SNTB1: variants seen among roughly 807,000 people sequenced by gnomAD.
SNTB1 encodes the protein beta-1-syntrophin.
In SNTB1, 36 loss-of-function variants were observed where a neutral mutation model predicts 48.9. That is an observed-to-expected ratio of 0.74 (90% CI 0.56 to 0.97). The LOEUF is 0.97. SNTB1 is among the 50% of genes least tolerant of loss of function. The pLI, the probability that SNTB1 is intolerant of heterozygous loss-of-function variation, is 0.00. For missense variants in SNTB1, 786 were observed against 703.4 expected (o/e 1.12, Z -1.33); for synonymous variants, 299 against 294.6 (o/e 1.01, Z -0.15).
intron 1 of SNTB1, among the ~76,000 whole-genome samples, chr8:120,767,026 T>C (rs556297443): frequency 6.6e-5 from 10 of 152,340 alleles, no homozygotes; most frequent in African/African-American, 2.4e-4. Flanking sequence ...AGTTTAACTA[T>C]GTTTTACAGA....
chr8:120,552,349 C>T (rs866990225), intron 4 of SNTB1, among the ~76,000 whole-genome samples: 24 of 152,050 alleles, frequency 1.6e-4, no homozygotes, highest in Non-Finnish European at 1.5e-5. Context: ...CCAGTGTGTT[C>T]GAGAAGTAAT....
chr8:120,711,298 C>T (rs183550667), intron 1 of SNTB1, among the ~76,000 whole-genome samples: 110 of 150,992 alleles, frequency 7.3e-4, no homozygotes, highest in Non-Finnish European at 2.6e-4. Context: ...GTAAATAACA[C>T]CTTTAAATAT....
At chr8:120,565,043 T>C (rs916159747) in intron 4 of SNTB1, among the ~76,000 whole-genome samples, 4 of 152,210 alleles carry the variant, frequency 2.6e-5, no homozygotes, top group African/African-American at 9.6e-5. Flanking sequence ...GTCTTCCATT[T>C]ATTAAGGAGA....
At chr8:120,592,698 G>A (rs1304723580) in intron 3 of SNTB1, among the ~76,000 whole-genome samples, 2 of 152,106 alleles carry the variant, frequency 1.3e-5, no homozygotes, top group African/African-American at 4.8e-5. Flanking sequence ...CATTACATAA[G>A]CCGTCAAATA....
chr8:120,781,002 T>C (rs1440234567), intron 1 of SNTB1, among the ~76,000 whole-genome samples: 2 of 152,256 alleles, frequency 1.3e-5, no homozygotes, highest in Admixed American at 6.5e-5. Flanking sequence ...CTTCTCATCC[T>C]GTGCTATGCC....
chr8:120,799,164 T>G (rs1376137996), intron 1 of SNTB1, among the ~76,000 whole-genome samples: 2 of 152,048 alleles, frequency 1.3e-5, no homozygotes, highest in African/African-American at 2.4e-5. Flanking sequence ...TATTGGTTCA[T>G]TCCCTTCACT....
intron 1 of SNTB1, among the ~76,000 whole-genome samples, chr8:120,805,093 C>T (rs1442645785): frequency 1.3e-5 from 2 of 152,056 alleles, no homozygotes; most frequent in African/African-American, 4.8e-5. Context: ...ATATATAAAT[C>T]GATGAGAAAC....
At position 120,604,288 on chromosome 8, in the gene SNTB1, C is replaced by G. The variant is rs147200246; in HGVS notation, c.996+28156G>C. Among the ~76,000 whole-genome samples the G allele has an allele frequency of 2.0e-5, 3 of 152,260 alleles. No homozygotes were observed. In the East Asian group the frequency reaches 5.8e-4, roughly 29 times the overall value. On this transcript the variant is annotated intron_variant, in intron 3 of 6. Coordinates refer to ENST00000517992, the MANE Select transcript of SNTB1 (RefSeq NM_021021.4). Reference sequence around the variant, plus strand: ...TGCCTATGAATGTCCTCTGCTTTCTCATGGCTCATGGTGGTGCTCTGAATA... The same window carrying G: ...TGCCTATGAATGTCCTCTGCTTTCTGATGGCTCATGGTGGTGCTCTGAATA...
At chr8:120,754,925 G>A (rs924958077) in intron 1 of SNTB1, among the ~76,000 whole-genome samples, 1 of 152,170 alleles carries the variant, frequency 6.6e-6, no homozygotes, top group African/African-American at 2.4e-5. Context: ...AAGATTATGA[G>A]TCAGCAGGAA....
At chr8:120,772,253 T>C (rs1287351627) in intron 1 of SNTB1, among the ~76,000 whole-genome samples, 1 of 151,054 alleles carries the variant, frequency 6.6e-6, no homozygotes, top group Non-Finnish European at 1.5e-5. Context: ...TTTTCTTCTT[T>C]TTTTTTTTTT....
chr8:120,811,288 C>T lies in SNTB1; in HGVS notation c.556G>A (p.Glu186Lys), dbSNP rs766418325. The T allele has an allele frequency of 3.1e-6, 5 of 1,602,830 alleles. No individual in the cohort carries two copies. In the African/African-American group the frequency reaches 6.7e-5, roughly 21 times the overall value. Residue 186 changes from glutamate to lysine, a missense_variant, in exon 1 of 7, where the codon GAA becomes AAA. Transcript: ENST00000517992. ...AACCCCTTACCTTCCAGCAGCACTT[C>T]CTTGCCCGCGCGCTTCAACGCCTGC... ...AVQALKRAGK[E>K]VLLEVKYMRE...
At chr8:120,713,206 C>T (rs1818494825) in intron 1 of SNTB1, among the ~76,000 whole-genome samples, 1 of 152,092 alleles carries the variant, frequency 6.6e-6, no homozygotes, top group Non-Finnish European at 1.5e-5. Flanking sequence ...TATAGATACA[C>T]CTGATAGAAT....
At chr8:120,586,689 G>A (rs1213419812) in intron 3 of SNTB1, among the ~76,000 whole-genome samples, 1 of 152,176 alleles carries the variant, frequency 6.6e-6, no homozygotes, top group African/African-American at 2.4e-5. Context: ...GGTTCTGGGG[G>A]TTAGGATGTG....
intron 1 of SNTB1, among the ~76,000 whole-genome samples, chr8:120,711,188 C>T (rs1018982771): frequency 6.6e-6 from 1 of 152,174 alleles, no homozygotes; most frequent in African/African-American, 2.4e-5. Context: ...CAAATCACTT[C>T]ATGATTCATT....
intron 1 of SNTB1, among the ~76,000 whole-genome samples, chr8:120,705,083 A>G (rs966529283): frequency 6.6e-6 from 1 of 152,208 alleles, no homozygotes; most frequent in Non-Finnish European, 1.5e-5. Flanking sequence ...CGATGTTTAA[A>G]TGAGGGTAAA....
intron 2 of SNTB1, among the ~76,000 whole-genome samples, chr8:120,641,347 A>T (rs1817193291): frequency 6.6e-6 from 1 of 152,188 alleles, no homozygotes; most frequent in African/African-American, 2.4e-5. Context: ...AATATCTATT[A>T]TTCTAGGAAT....
At chr8:120,650,898 T>C (rs371714005) in intron 2 of SNTB1, among the ~76,000 whole-genome samples, 2 of 152,338 alleles carry the variant, frequency 1.3e-5, no homozygotes, top group African/African-American at 4.8e-5. Flanking sequence ...ATTGGCTTTA[T>C]GACTTATTGG....
chr8:120,780,748 G>A lies in SNTB1; in HGVS notation c.571+30525C>T, dbSNP rs574977329. Among the ~76,000 whole-genome samples, 21 of 152,286 alleles carry A rather than the reference G, an allele frequency of 1.4e-4. No homozygotes were observed. The South Asian group carries it at 4.3e-3, about 32-fold the overall frequency. The stretch of plus-strand genomic sequence containing the variant: ...CAACTGACATCTTCATAGCAGTTTA[G>A]TTCATGTTTAAAATTGAAGAATAAA... On this transcript the variant is annotated intron_variant, in intron 1 of 6. Coordinates refer to ENST00000517992, the MANE Select transcript of SNTB1 (RefSeq NM_021021.4).
chr8:120,786,859 G>A (rs190089914), intron 1 of SNTB1, among the ~76,000 whole-genome samples: 110 of 152,206 alleles, frequency 7.2e-4, no homozygotes, highest in Middle Eastern at 3.4e-3. Context: ...TTGTCCACCC[G>A]CTTTAGCCAC....
Sources: allele counts gnomAD v4.1 joint callset (sites outside exome capture counted in the v4.1 genomes callset), GRCh38; gene constraint gnomAD v4.1.1; transcripts MANE v1.5; gene names NCBI Gene and HGNC (gene_info 2026-07-23, HGNC 2026-07-21).